The following SIPA1L1 variants were observed in gnomAD, a reference collection of about 807,000 sequenced individuals.
The protein encoded by SIPA1L1 is signal-induced proliferation-associated 1-like protein 1.
SIPA1L1 carries 26 observed loss-of-function variants against 162.7 expected under a neutral mutation model. The ratio of observed to expected loss-of-function variants is 0.16; its 90% confidence interval spans 0.12 to 0.22. The LOEUF (loss-of-function observed/expected upper bound fraction) is 0.22. Ranked by LOEUF, SIPA1L1 falls within the 10% of genes least tolerant of loss-of-function variation. SIPA1L1 has a pLI of 1.00. For missense variants in SIPA1L1, 1,874 were observed against 2,241.0 expected (o/e 0.84, Z 3.31); for synonymous variants, 829 against 837.4 (o/e 0.99, Z 0.17).
At chr14:71,505,883 A>G (rs1024148672) in intron 2 of SIPA1L1, among the ~76,000 whole-genome samples, 1 of 152,052 alleles carries the variant, frequency 6.6e-6, no homozygotes, top group Non-Finnish European at 1.5e-5. Context: ...TATAAGGTGT[A>G]TATGAAACAT....
intron 2 of SIPA1L1, among the ~76,000 whole-genome samples, chr14:71,451,229 A>G (rs1006030449): frequency 6.6e-6 from 1 of 152,058 alleles, no homozygotes; most frequent in Non-Finnish European, 1.5e-5. Context: ...TGTAGCTACC[A>G]GGGAGAAGGG....
intron 4 of SIPA1L1, among the ~76,000 whole-genome samples, chr14:71,554,946 T>A (rs559655070): frequency 1.7e-3 from 255 of 149,044 alleles, no homozygotes; most frequent in Non-Finnish European, 2.6e-3. Flanking sequence ...ATTCCTAATT[T>A]AAAAAAAAAA....
intron 2 of SIPA1L1, among the ~76,000 whole-genome samples, chr14:71,382,498 AG>A (rs1300060498): frequency 1.3e-5 from 2 of 152,240 alleles, no homozygotes; most frequent in Non-Finnish European, 2.9e-5. Context: ...TTAAGAAGGA[AG>A]GAGAGAGATT....
chr14:71,493,993 A>G (rs1430520707), intron 2 of SIPA1L1, among the ~76,000 whole-genome samples: 1 of 152,240 alleles, frequency 6.6e-6, no homozygotes, highest in African/African-American at 2.4e-5. Flanking sequence ...GCTTTTAAAC[A>G]TGAGTTCTCT....
intron 2 of SIPA1L1, among the ~76,000 whole-genome samples, chr14:71,335,598 G>T (rs1226906909): frequency 6.6e-6 from 1 of 152,106 alleles, no homozygotes; most frequent in Non-Finnish European, 1.5e-5. Context: ...AATGGTAATC[G>T]CTTTAATAAT....
In SIPA1L1 at chr14:71,413,567, G is replaced by A. The variant is rs563028699; in HGVS notation, c.-465+92386G>A. Reference sequence around the variant, plus strand: ...AGCCTGGCCAACATGGTGAAACCCCGTCTCTGCTAAAAACACAAAAATTAG... The same window carrying A: ...AGCCTGGCCAACATGGTGAAACCCCATCTCTGCTAAAAACACAAAAATTAG... On this transcript the variant is annotated intron_variant, in intron 2 of 23. Transcript: ENST00000381232. Among the ~76,000 whole-genome samples the A allele has an allele frequency of 3.4e-4, 51 of 152,202 alleles. No individual in the cohort carries two copies. In the South Asian group the frequency reaches 8.7e-3, roughly 26 times the overall value.
intron 7 of SIPA1L1, among the ~76,000 whole-genome samples, chr14:71,638,311 A>G (rs1365933465): frequency 3.3e-5 from 5 of 152,318 alleles, no homozygotes; most frequent in East Asian, 1.9e-4. Flanking sequence ...ATTAGCAAAT[A>G]TAATAAAGTA....
intron 6 of SIPA1L1, among the ~76,000 whole-genome samples, chr14:71,619,584 A>G (rs1422377411): frequency 6.6e-6 from 1 of 152,010 alleles, no homozygotes; most frequent in African/African-American, 2.4e-5. Flanking sequence ...GTTTGGGACT[A>G]TGAGGTTCTC....
intron 5 of SIPA1L1, among the ~76,000 whole-genome samples, chr14:71,594,682 T>G (rs1250121551): frequency 6.6e-6 from 1 of 152,266 alleles, no homozygotes; most frequent in East Asian, 1.9e-4. Context: ...TGAAAGTTTT[T>G]ATACATATAT....
At chr14:71,599,619 A>G (rs2036498146) in intron 5 of SIPA1L1, among the ~76,000 whole-genome samples, 1 of 152,086 alleles carries the variant, frequency 6.6e-6, no homozygotes, top group African/African-American at 2.4e-5. Context: ...TCCTTTTGAT[A>G]TGTTGATTTA....
chr14:71,524,475 A>G (rs1237872451), intron 3 of SIPA1L1, among the ~76,000 whole-genome samples: 2 of 152,240 alleles, frequency 1.3e-5, no homozygotes, highest in African/African-American at 4.8e-5. Flanking sequence ...GCAAAAAGAT[A>G]TATTTTGAGA....
chr14:71,365,907 T>TTTTTTTTTAG (rs71105773), intron 2 of SIPA1L1, among the ~76,000 whole-genome samples: 1 of 140,030 alleles, frequency 7.1e-6, no homozygotes, highest in Non-Finnish European at 1.5e-5. Flanking sequence ...TTTTTTTTTT[T>TTTTTTTTTAG]AAGAGATGGG....
chr14:71,522,577 T>C (rs951969153), intron 3 of SIPA1L1, among the ~76,000 whole-genome samples: 1 of 152,230 alleles, frequency 6.6e-6, no homozygotes, highest in Non-Finnish European at 1.5e-5. Context: ...TCAAAAAGTT[T>C]GAAGTTTTGG....
chr14:71,680,803 A>G (rs1255007763), intron 12 of SIPA1L1, among the ~76,000 whole-genome samples: 1 of 152,216 alleles, frequency 6.6e-6, no homozygotes, highest in East Asian at 1.9e-4. Flanking sequence ...AAACACCTCT[A>G]CGCAAATAAA....
intron 17 of SIPA1L1, among the ~76,000 whole-genome samples, chr14:71,716,538 G>A (rs1208372951): frequency 6.6e-6 from 1 of 152,122 alleles, no homozygotes; most frequent in African/African-American, 2.4e-5. Flanking sequence ...ACAGTGGCTG[G>A]CAGATGTTTT....
At chr14:71,431,282 A>G in intron 2 of SIPA1L1, among the ~76,000 whole-genome samples, 1 of 152,150 alleles carries the variant, frequency 6.6e-6, no homozygotes, top group Admixed American at 6.5e-5. Context: ...ACTTTCCCCT[A>G]CTGTGCTTTC....
At chr14:71,620,278 T>G (rs2039291094) in intron 6 of SIPA1L1, among the ~76,000 whole-genome samples, 2 of 152,078 alleles carry the variant, frequency 1.3e-5, no homozygotes, top group South Asian at 4.1e-4. Flanking sequence ...CATGTTGGTC[T>G]GGCTGGTCTC....
rs983216492 is a variant in SIPA1L1, at chr14:71,727,375, C to T, written c.4614+2540C>T. On this transcript the variant is annotated intron_variant, in intron 19 of 23. Coordinates refer to ENST00000381232, the MANE Select transcript of SIPA1L1 (RefSeq NM_001386936.1). ...CACCTCTCCAGGCCCCATTCCTCAACTGTGAGATAGAGGACCAGAGGAGAT... is the reference window on the plus strand; with the variant it reads ...CACCTCTCCAGGCCCCATTCCTCAATTGTGAGATAGAGGACCAGAGGAGAT... Among the ~76,000 whole-genome samples, 22 of 151,696 alleles carry T rather than the reference C, an allele frequency of 1.5e-4. No individual in the cohort carries two copies. The East Asian group carries it at 4.1e-3, about 28-fold the overall frequency.
chr14:71,481,216 C>T (rs1434256118), intron 2 of SIPA1L1, among the ~76,000 whole-genome samples: 6 of 152,152 alleles, frequency 3.9e-5, no homozygotes, highest in African/African-American at 1.2e-4. Context: ...TGGTGGCTCA[C>T]GCCTGTAACC....
Sources: allele counts gnomAD v4.1 joint callset (sites outside exome capture counted in the v4.1 genomes callset), GRCh38; gene constraint gnomAD v4.1.1; transcripts MANE v1.5; gene names NCBI Gene and HGNC (gene_info 2026-07-23, HGNC 2026-07-21).